CDH8: variants seen among roughly 807,000 people sequenced by gnomAD.
CDH8 encodes the protein cadherin 8.
Under a neutral mutation model 68.1 loss-of-function variants are expected in CDH8, and 17 were observed. That is an observed-to-expected ratio of 0.25 (90% CI 0.17 to 0.37). CDH8 has a LOEUF of 0.37. Among genes scored for constraint, CDH8 ranks in the 10% least tolerant of loss-of-function variants. The probability of loss-of-function intolerance (pLI) is 1.00; values close to 1 mark genes in which losing one functional copy is unlikely to be tolerated. For synonymous variants in CDH8, 372 were observed against 365.1 expected (o/e 1.02, Z -0.21); for missense variants, 763 against 999.3 (o/e 0.76, Z 3.19).
Position 61,650,661 on chromosome 16 carries a change from TA to T in CDH8, c.*2946del, listed in dbSNP as rs1452275987. 3 of 149,520 alleles carry T rather than the reference TA, an allele frequency of 2.0e-5. No homozygotes were observed. Among genetic ancestry groups the T allele is most frequent in the Non-Finnish European group, 3.0e-5 (2 of 67,434 alleles). The allele number at this position is 149,520 out of a possible 1,614,324, so 9.3% of individuals were successfully genotyped here. ...ACTTCAAGTCAAAATGTGTGTTTTT[TA>T]TTTGTTTGTTGTGTGTGTGTGTGTG... On this transcript the variant is annotated 3_prime_UTR_variant, in exon 12 of 12. Transcript: ENST00000577390.
At position 61,834,519 on chromosome 16, in the gene CDH8, A is replaced by G. The variant is rs761494254; in HGVS notation, c.668-9340T>C. On this transcript the variant is annotated intron_variant, in intron 4 of 11. Transcript: ENST00000577390. ...ATAATTGACATTTGAAGTTTTAATT[A>G]AATGTCTCAATATAAATTTGTAGGG... Among the ~76,000 whole-genome samples, 6 of 151,968 alleles carry G rather than the reference A, an allele frequency of 3.9e-5. No homozygotes were observed. The South Asian group carries it at 1.2e-3, about 31-fold the overall frequency.
chr16:61,943,723 C>T (rs1043163260), intron 2 of CDH8, among the ~76,000 whole-genome samples: 2 of 152,048 alleles, frequency 1.3e-5, no homozygotes, highest in Non-Finnish European at 2.9e-5. Flanking sequence ...TTCTCAGATC[C>T]CTTGATCTAA....
intron 2 of CDH8, among the ~76,000 whole-genome samples, chr16:61,954,265 T>C (rs538622842): frequency 2.4e-4 from 36 of 152,248 alleles, no homozygotes; most frequent in African/African-American, 8.2e-4. Context: ...ATGATGTCCA[T>C]CTTTCCCAGT....
At chr16:61,674,015 T>A (rs1027940824) in intron 10 of CDH8, among the ~76,000 whole-genome samples, 1 of 152,142 alleles carries the variant, frequency 6.6e-6, no homozygotes, top group African/African-American at 2.4e-5. Flanking sequence ...TGGAAATATA[T>A]GTTGAATGAC....
In CDH8 at chr16:61,652,384, G is replaced by A; in HGVS notation, c.*1224C>T. On this transcript the variant is annotated 3_prime_UTR_variant, in exon 12 of 12. Transcript: ENST00000577390. ...CAGGGCATGATGTAGGTATCTAAAA[G>A]TCTAGAGTTTAAATATTCACAGGAA... The A allele has an allele frequency of 2.0e-6, 2 of 984,958 alleles. No homozygotes were observed. Among genetic ancestry groups the A allele is most frequent in the Non-Finnish European group, 2.4e-6 (2 of 829,572 alleles). 61.0% of individuals were successfully genotyped at this position (984,958 alleles called of 1,614,324 possible). A position where few individuals can be genotyped will look rare whatever the true frequency, so the allele number is the denominator to read the frequency against.
At position 61,735,476 on chromosome 16, in the gene CDH8, GATA is replaced by G. The variant is rs553303673; in HGVS notation, c.1415-8264_1415-8262del. Among the ~76,000 whole-genome samples the G allele has an allele frequency of 3.2e-3, 488 of 152,092 alleles. 2 individuals are homozygous for G. Among genetic ancestry groups the G allele is most frequent in the African/African-American group, 0.011 (458 of 41,518 alleles). On this transcript the variant is annotated intron_variant, in intron 8 of 11. Coordinates refer to ENST00000577390, the MANE Select transcript of CDH8 (RefSeq NM_001796.5). ...CCCATAACTCTCTCCTGAGAATTTC[GATA>G]AATGCCTTTTGTCATTCATTCATTA...
chr16:61,648,321 C>G lies in CDH8; in HGVS notation c.*5287G>C, dbSNP rs773102362. On this transcript the variant is annotated 3_prime_UTR_variant, in exon 12 of 12. Coordinates refer to ENST00000577390, the MANE Select transcript of CDH8 (RefSeq NM_001796.5). The stretch of plus-strand genomic sequence containing the variant: ...AATGTCCAAAAGTGTGCCATTGGTG[C>G]TTTTTATAATTTTCCCTTTTAGTAT... 6.6e-6 allele frequency: 1 copy of G among 152,134 alleles called. No individual in the cohort carries two copies. Among genetic ancestry groups the G allele is most frequent in the Non-Finnish European group, 1.5e-5 (1 of 68,142 alleles). 9.4% of individuals were successfully genotyped at this position (152,134 alleles called of 1,614,324 possible). A position where few individuals can be genotyped will look rare whatever the true frequency, so the allele number is the denominator to read the frequency against.
At chr16:61,742,279 C>A (rs890270514) in intron 8 of CDH8, among the ~76,000 whole-genome samples, 1 of 152,058 alleles carries the variant, frequency 6.6e-6, no homozygotes, top group Non-Finnish European at 1.5e-5. Flanking sequence ...TGTACTCAAT[C>A]ATGTTGATTG....
chr16:61,942,693 T>G (rs1397551620), intron 2 of CDH8, among the ~76,000 whole-genome samples: 1 of 152,220 alleles, frequency 6.6e-6, no homozygotes, highest in African/African-American at 2.4e-5. Context: ...AAGTTCACCT[T>G]GTTCCTTGTT....
intron 2 of CDH8, among the ~76,000 whole-genome samples, chr16:61,999,148 G>A (rs549665484): frequency 2.6e-5 from 4 of 152,236 alleles, no homozygotes; most frequent in African/African-American, 9.6e-5. Flanking sequence ...TCCACTAAGT[G>A]CCTACTATAT....
In CDH8 at chr16:61,794,555, C is replaced by T. The variant is rs1319842576; in HGVS notation, c.1278-5073G>A. On this transcript the variant is annotated intron_variant, in intron 7 of 11. Coordinates refer to ENST00000577390, the MANE Select transcript of CDH8 (RefSeq NM_001796.5). The stretch of plus-strand genomic sequence containing the variant: ...ACTGTAAGATTTCTATTGATGATTC[C>T]CTGACTTTTTCTAAGGTCCAAGGTA... Among the ~76,000 whole-genome samples, 3 of 151,992 alleles carry T rather than the reference C, an allele frequency of 2.0e-5. No individual in the cohort carries two copies. In the East Asian group the frequency reaches 5.8e-4, roughly 29 times the overall value.
chr16:61,860,417 T>C (rs1370747413), intron 3 of CDH8, among the ~76,000 whole-genome samples: 1 of 152,128 alleles, frequency 6.6e-6, no homozygotes, highest in Non-Finnish European at 1.5e-5. Context: ...AGTCTAAAAT[T>C]AGTCCAAAAA....
intron 8 of CDH8, among the ~76,000 whole-genome samples, chr16:61,752,143 C>G (rs536782670): frequency 6.6e-6 from 1 of 152,162 alleles, no homozygotes; most frequent in African/African-American, 2.4e-5. Flanking sequence ...ACAAATAAAT[C>G]AGAATAAGGA....
intron 3 of CDH8, among the ~76,000 whole-genome samples, chr16:61,876,337 A>G (rs1052207652): frequency 6.6e-6 from 1 of 152,180 alleles, no homozygotes; most frequent in African/African-American, 2.4e-5. Flanking sequence ...GTAAATTTCC[A>G]GACGGACAAT....
intron 10 of CDH8, among the ~76,000 whole-genome samples, chr16:61,689,401 A>G (rs970421759): frequency 7.2e-5 from 11 of 152,074 alleles, no homozygotes; most frequent in African/African-American, 2.2e-4. Flanking sequence ...GAGGCACTCA[A>G]TTAGTGTCAG....
chr16:61,747,126 A>G (rs1960043260), intron 8 of CDH8, among the ~76,000 whole-genome samples: 1 of 152,090 alleles, frequency 6.6e-6, no homozygotes, highest in Non-Finnish European at 1.5e-5. Flanking sequence ...TACTTCCTCT[A>G]ACTGAATTAG....
chr16:61,918,090 CTCT>C (rs987424074), intron 2 of CDH8, among the ~76,000 whole-genome samples: 1 of 143,614 alleles, frequency 7.0e-6, no homozygotes, highest in Non-Finnish European at 1.5e-5. Context: ...AGTCATAGAA[CTCT>C]TCATTACTCA....
At chr16:61,781,825 G>C (rs1380309567) in intron 8 of CDH8, among the ~76,000 whole-genome samples, 1 of 152,082 alleles carries the variant, frequency 6.6e-6, no homozygotes, top group Non-Finnish European at 1.5e-5. Flanking sequence ...TTCTAAATGA[G>C]GTTAACACTT....
rs139200713 is a variant in CDH8, at chr16:61,772,325, G to A, written c.1414+17021C>T. On this transcript the variant is annotated intron_variant, in intron 8 of 11. Transcript: ENST00000577390. ...AATCTGATTTGTTAGTATCACTCAC[G>A]GTATGTCTTAATAGCAATTGGGTTT... Among the ~76,000 whole-genome samples, 886 of 152,052 alleles carry A rather than the reference G, an allele frequency of 5.8e-3. 6 individuals carry two copies. Among genetic ancestry groups the A allele is most frequent in the Non-Finnish European group, 8.7e-3 (588 of 67,952 alleles).
Sources: gnomAD v4.1 joint callset for allele counts (sites outside exome capture counted in the v4.1 genomes callset) on GRCh38, gnomAD v4.1.1 for gene constraint, MANE v1.5 for transcripts, NCBI Gene and HGNC (gene_info 2026-07-23, HGNC 2026-07-21) for gene names.